The following CAMK2G variants were observed in gnomAD, a reference collection of about 807,000 sequenced individuals.
CAMK2G encodes the protein calcium/calmodulin dependent protein kinase II gamma, also known as calcium/calmodulin-dependent protein kinase type II subunit gamma.
A neutral mutation model predicts 88.7 loss-of-function variants in CAMK2G; 23 were observed. That is an observed-to-expected ratio of 0.26 (90% CI 0.19 to 0.37). CAMK2G has a LOEUF of 0.37. Among genes scored for constraint, CAMK2G ranks in the 10% least tolerant of loss-of-function variants. The pLI is 1.00. For synonymous variants in CAMK2G, 263 were observed against 294.8 expected (o/e 0.89, Z 1.11); for missense variants, 476 against 780.8 (o/e 0.61, Z 4.65).
At position 73,874,499 on chromosome 10, in the gene CAMK2G, CG is replaced by C; in HGVS notation, c.-39del. The C allele has an allele frequency of 7.0e-7, 1 of 1,431,598 alleles. No individual in the cohort carries two copies. The highest frequency in any genetic ancestry group is 1.4e-5 in the South Asian group (1 of 71,448). The allele number at this position is 1,431,598 out of a possible 1,614,324, so 88.7% of individuals were successfully genotyped here. On this transcript the variant is annotated 5_prime_UTR_variant, in exon 1 of 23. Transcript: ENST00000423381. Reference sequence around the variant, plus strand: ...GCGGACGCGGCGGTGCAGCCCGCGCCGACGTCGGTGCACAGTCACCGCCGCC... The same window carrying C: ...GCGGACGCGGCGGTGCAGCCCGCGCCACGTCGGTGCACAGTCACCGCCGCC...
chr10:73,862,483 C>T (rs934584194), intron 2 of CAMK2G, among the ~76,000 whole-genome samples: 3 of 152,116 alleles, frequency 2.0e-5, no homozygotes, highest in South Asian at 2.1e-4. Flanking sequence ...CCATAACAAT[C>T]GCTTACTATG....
At chr10:73,857,301 C>T (rs1230738867) in intron 3 of CAMK2G, among the ~76,000 whole-genome samples, 2 of 152,284 alleles carry the variant, frequency 1.3e-5, no homozygotes, top group Admixed American at 6.5e-5. Flanking sequence ...TCCTAGCCCC[C>T]TTTCCTGGCT....
At chr10:73,827,874 G>A (rs2091470638) in intron 15 of CAMK2G, among the ~76,000 whole-genome samples, 1 of 152,194 alleles carries the variant, frequency 6.6e-6, no homozygotes, top group South Asian at 2.1e-4. Flanking sequence ...CACAGCAGGG[G>A]GTGCCGTACC....
intron 2 of CAMK2G, among the ~76,000 whole-genome samples, chr10:73,867,049 A>T (rs1408453920): frequency 6.6e-6 from 1 of 152,124 alleles, no homozygotes. Context: ...ACACATGTAC[A>T]CCTGGTGACT....
At chr10:73,862,294 T>TCCCCCC (rs2095413159) in intron 2 of CAMK2G, among the ~76,000 whole-genome samples, 1 of 46,464 alleles carries the variant, frequency 2.2e-5, no homozygotes, top group African/African-American at 9.0e-5. Context: ...TCCCTCCTAC[T>TCCCCCC]CCACCCCCCC....
chr10:73,846,000 G>T (rs2094213532), intron 10 of CAMK2G, among the ~76,000 whole-genome samples: 1 of 150,596 alleles, frequency 6.6e-6, no homozygotes, highest in South Asian at 2.1e-4. Context: ...GCTCGCTGCA[G>T]CCTCAAACTC....
At chr10:73,819,398 C>A in intron 19 of CAMK2G, 134 bp downstream of exon 19, 1 of 691,814 alleles carries the variant, frequency 1.4e-6, no homozygotes, top group Non-Finnish European at 2.5e-6. Context: ...CCCCCCACCC[C>A]CAGCAGAGGC....
chr10:73,856,197 A>C (rs569836925), intron 3 of CAMK2G, among the ~76,000 whole-genome samples: 2 of 152,338 alleles, frequency 1.3e-5, no homozygotes, highest in Non-Finnish European at 1.5e-5. Context: ...TCTGCAGGGT[A>C]GCTACTTACA....
At chr10:73,872,827 C>T (rs1273407794) in intron 2 of CAMK2G, among the ~76,000 whole-genome samples, 162 bp downstream of exon 2, 1 of 152,208 alleles carries the variant, frequency 6.6e-6, no homozygotes, top group Admixed American at 6.5e-5. Flanking sequence ...CCCCATGCAA[C>T]TCCTTTTCTG....
intron 14 of CAMK2G, among the ~76,000 whole-genome samples, chr10:73,830,892 T>C (rs1303704764): frequency 6.6e-6 from 1 of 152,168 alleles, no homozygotes; most frequent in Non-Finnish European, 1.5e-5. Context: ...GAAATCGCCC[T>C]ATGGACACTT....
intron 19 of CAMK2G, among the ~76,000 whole-genome samples, chr10:73,819,219 C>G (rs1473311766): frequency 6.6e-6 from 1 of 152,200 alleles, no homozygotes; most frequent in African/African-American, 2.4e-5. Flanking sequence ...GACCTGACTT[C>G]CGACTCTGCC....
intron 19 of CAMK2G, among the ~76,000 whole-genome samples, chr10:73,819,318 A>G (rs1410459177): frequency 6.6e-6 from 1 of 151,428 alleles, no homozygotes; most frequent in East Asian, 1.9e-4. Flanking sequence ...TTTTCCACCC[A>G]CACTTCTCAT....
chr10:73,871,945 T>C (rs1208841324), intron 2 of CAMK2G, among the ~76,000 whole-genome samples: 1 of 152,174 alleles, frequency 6.6e-6, no homozygotes, highest in Non-Finnish European at 1.5e-5. Context: ...GAGAAACCCG[T>C]GTCATTATTG....
chr10:73,848,083 C>T lies in CAMK2G; in HGVS notation c.602-1G>A. The T allele has an allele frequency of 6.3e-7, 1 of 1,580,356 alleles. No homozygotes were observed. Among genetic ancestry groups the T allele is most frequent in the Non-Finnish European group, 8.7e-7 (1 of 1,149,446 alleles). ...ACCAGGAGGATATACAGGATGACCC[C>T]TACGAGACAGAACACACAGGTCATG... On this transcript the variant is annotated splice_acceptor_variant, in intron 8 of 22. Coordinates refer to ENST00000423381, the MANE Select transcript of CAMK2G (RefSeq NM_001367534.1). LOFTEE classifies it high-confidence loss of function. The surrounding 1 kb of genome is among the most constrained non-coding windows in gnomAD (Gnocchi z 4.5).
intron 2 of CAMK2G, among the ~76,000 whole-genome samples, chr10:73,867,560 G>A (rs1235516760): frequency 4.6e-5 from 7 of 152,180 alleles, no homozygotes; most frequent in Admixed American, 3.9e-4. Flanking sequence ...AGAAAGGGAG[G>A]AGAAAAGAGG....
rs1476512468 is a variant in CAMK2G at position 73,824,189 on chromosome 10, C to T, written c.1156-105G>A. 9 of 773,664 alleles carry T rather than the reference C, an allele frequency of 1.2e-5. No individual in the cohort carries two copies. The Admixed American group carries it at 1.8e-4, about 16-fold the overall frequency. The allele number at this position is 773,664 out of a possible 1,614,324, so 47.9% of individuals were successfully genotyped here. A position where few individuals can be genotyped will look rare whatever the true frequency, so the allele number is the denominator to read the frequency against. On this transcript the variant is annotated intron_variant, in intron 16 of 22. Coordinates refer to ENST00000423381, the MANE Select transcript of CAMK2G (RefSeq NM_001367534.1). ...AGGACCCCCGCAGACCCTATGATGACCACTGAGGCCTGCCCACCAGCCATC... is the reference window on the plus strand; with the variant it reads ...AGGACCCCCGCAGACCCTATGATGATCACTGAGGCCTGCCCACCAGCCATC...
intron 6 of CAMK2G, 57 bp downstream of exon 6, chr10:73,849,204 C>T (rs1453745664): frequency 6.4e-7 from 1 of 1,571,228 alleles, no homozygotes; most frequent in Non-Finnish European, 8.8e-7. Flanking sequence ...CACTATCTGG[C>T]ACCAGGTGGC....
chr10:73,849,312 C>T lies in CAMK2G; in HGVS notation c.363G>A (p.Leu121=), dbSNP rs1409861141. Residue 121 remains leucine (L), a synonymous_variant, in exon 6 of 23, where the codon CTG becomes CTA. Coordinates refer to ENST00000423381, the MANE Select transcript of CAMK2G (RefSeq NM_001367534.1). ...GCTGGTGGATGTGGTTAACACTCTC[C>T]AGAATCTGATGTATACAGTGGCTAA... ...ADASHCIHQI[L]ESVNHIHQHD... 6.2e-7 allele frequency: 1 copy of T among 1,613,652 alleles called. No homozygotes were observed. The highest frequency in any genetic ancestry group is 2.2e-5 in the East Asian group (1 of 44,880).
In CAMK2G at chr10:73,874,455, T is replaced by C; in HGVS notation, c.7A>G (p.Thr3Ala). MA[T>A]TATCTRFTDD... ...GTGAAACGGGTGCAGGTGGCGGTGG[T>C]GGCCATGCTGGCGGGCGGGCGGACG... Residue 3 changes from threonine to alanine, a missense_variant, in exon 1 of 23, where the codon ACC becomes GCC. Physicochemically the swap from Thr to Ala is moderately conservative, Grantham distance 58. This residue lies in a region of CAMK2G where 34 missense variants were observed against 28.7 expected (regional missense o/e 1.19). Coordinates refer to ENST00000423381, the MANE Select transcript of CAMK2G (RefSeq NM_001367534.1). 1 of 1,503,496 alleles carries C rather than the reference T, an allele frequency of 6.7e-7. No homozygotes were observed. Among genetic ancestry groups the C allele is most frequent in the South Asian group, 1.2e-5 (1 of 80,522 alleles). 93.1% of individuals were successfully genotyped at this position (1,503,496 alleles called of 1,614,324 possible). A position where few individuals can be genotyped will look rare whatever the true frequency, so the allele number is the denominator to read the frequency against.
Sources: allele counts gnomAD v4.1 joint callset (sites outside exome capture counted in the v4.1 genomes callset), GRCh38; gene constraint gnomAD v4.1.1; regional missense constraint gnomAD v4.1.1; non-coding constraint Gnocchi (gnomAD v3.1); transcripts MANE v1.5; gene names NCBI Gene and HGNC (gene_info 2026-07-23, HGNC 2026-07-21).